TBC1D2: variants seen among roughly 807,000 people sequenced by gnomAD.
TBC1D2 encodes the protein TBC1 domain family member 2, also known as TBC1 domain family member 2A.
In TBC1D2, 58 loss-of-function variants were observed where a neutral mutation model predicts 91.1. The observed-to-expected ratio is 0.64, with a 90% CI of 0.52 to 0.79. TBC1D2 has a LOEUF of 0.79. Ranked by LOEUF, TBC1D2 falls within the 30% of genes least tolerant of loss-of-function variation. The pLI, the probability that TBC1D2 is intolerant of heterozygous loss-of-function variation, is 0.00. For synonymous variants in TBC1D2, 482 were observed against 511.5 expected, an observed-to-expected ratio of 0.94 and a Z score of 0.78; for missense variants, 1,080 against 1,208.3, an observed-to-expected ratio of 0.89 and a Z score of 1.57.
intron 7 of TBC1D2, among the ~76,000 whole-genome samples, chr9:98,211,571 CAT>C (rs1234171949): frequency 5.9e-5 from 9 of 152,178 alleles, no homozygotes; most frequent in African/African-American, 1.9e-4. Flanking sequence ...AAAATCCACT[CAT>C]AGCACTGCCA....
At chr9:98,200,486 GAAGTTGAGGCCTGGAGGCACAATGTGT>G in intron 11 of TBC1D2, 112 bp from the exon 12 acceptor site, 1 of 904,204 alleles carries the variant, frequency 1.1e-6, no homozygotes, top group Non-Finnish European at 1.6e-6. Flanking sequence ...ACTGGCTGCG[GAAGTTGAGGCCTGGAGGCACAATGTGT>G]GGGGATAGGC....
At chr9:98,250,610 G>A (rs1158927909) in intron 2 of TBC1D2, among the ~76,000 whole-genome samples, 2 of 152,090 alleles carry the variant, frequency 1.3e-5, no homozygotes, top group Non-Finnish European at 2.9e-5. Flanking sequence ...GAGGAGGGAA[G>A]GGAAATGGGG....
At chr9:98,241,246 C>T in intron 3 of TBC1D2, among the ~76,000 whole-genome samples, 1 of 152,182 alleles carries the variant, frequency 6.6e-6, no homozygotes, top group East Asian at 1.9e-4. Context: ...CTGAGCAGCC[C>T]TGGATGTCTA....
Position 98,228,077 on chromosome 9 carries a change from G to C in TBC1D2, c.978+875C>G, listed in dbSNP as rs898210320. ...GAAAACAAAGCAGAAAGGGCCTCCG[G>C]GCAGCCAAAGTTCAAACACAAAAGC... On this transcript the variant is annotated intron_variant, in intron 5 of 12. Coordinates refer to ENST00000465784, the MANE Select transcript of TBC1D2 (RefSeq NM_001267571.2). This position sits in a 1 kb window ranked among gnomAD's most constrained non-coding sequence, Gnocchi z 4.0. Among the ~76,000 whole-genome samples the C allele has an allele frequency of 2.0e-5, 3 of 152,196 alleles. No individual in the cohort carries two copies. Among genetic ancestry groups the C allele is most frequent in the Non-Finnish European group, 4.4e-5 (3 of 68,038 alleles).
rs752042837 is a variant in TBC1D2 at position 98,255,592 on chromosome 9, G to C, written c.-51C>G. 7 of 1,447,470 alleles carry C rather than the reference G, an allele frequency of 4.8e-6. No homozygotes were observed. In the African/African-American group the frequency reaches 1.0e-4, roughly 21 times the overall value. The allele number at this position is 1,447,470 out of a possible 1,614,324, so 89.7% of individuals were successfully genotyped here. On this transcript the variant is annotated 5_prime_UTR_variant, in exon 1 of 13. Transcript: ENST00000465784. ...GACGAGGGGTCCGCGGGACCACCAG[G>C]GACAAATCTCGGAGACTCGGCGGGC...
At chr9:98,233,673 C>A in intron 3 of TBC1D2, 124 bp from the exon 4 acceptor site, 2 of 1,445,344 alleles carry the variant, frequency 1.4e-6, no homozygotes, top group Non-Finnish European at 1.9e-6. Context: ...GACTGGTCTC[C>A]CAGACTCCAG....
chr9:98,203,149 G>T, intron 10 of TBC1D2, 139 bp downstream of exon 10: 1 of 1,343,816 alleles, frequency 7.4e-7, no homozygotes, highest in Non-Finnish European at 1.0e-6. Flanking sequence ...CTTCCATGCA[G>T]CCAAATGCAC....
chr9:98,220,302 G>A (rs1829063469), intron 6 of TBC1D2, among the ~76,000 whole-genome samples: 1 of 152,198 alleles, frequency 6.6e-6, no homozygotes, highest in Non-Finnish European at 1.5e-5. Flanking sequence ...CAGGGCTGGC[G>A]CGAGGACTAA....
intron 2 of TBC1D2, among the ~76,000 whole-genome samples, chr9:98,246,243 C>T (rs1367035249): frequency 6.6e-6 from 1 of 152,128 alleles, no homozygotes; most frequent in African/African-American, 2.4e-5. Flanking sequence ...TACTGGGAGA[C>T]TGAAACATTT....
chr9:98,232,731 T>C (rs1243786135), intron 4 of TBC1D2, among the ~76,000 whole-genome samples: 2 of 152,242 alleles, frequency 1.3e-5, no homozygotes, highest in African/African-American at 2.4e-5. Context: ...ACATCTTACA[T>C]AGCTATAGTA....
chr9:98,221,191 G>A lies in TBC1D2; in HGVS notation c.1016C>T (p.Ala339Val), dbSNP rs1385300204. Residue 339 changes from alanine (A) to valine (V), a missense_variant, in exon 6 of 13, where the codon GCC (alanine) becomes GTC (valine). Transcript: ENST00000465784. ...VKILHKALEA[A>V]QQEKRASSAY... ...GCTGGACGCCCGCTTCTCCTGCTGGGCGGCCTCCAGTGCCTTGTGCAGGAT... is the reference window on the plus strand; with the variant it reads ...GCTGGACGCCCGCTTCTCCTGCTGGACGGCCTCCAGTGCCTTGTGCAGGAT... 6.4e-7 allele frequency: 1 copy of A among 1,555,698 alleles called. No individual in the cohort carries two copies. The highest frequency in any genetic ancestry group is 8.7e-7 in the Non-Finnish European group (1 of 1,149,424).
At chr9:98,253,659 T>C (rs908827793) in intron 1 of TBC1D2, among the ~76,000 whole-genome samples, 1 of 152,164 alleles carries the variant, frequency 6.6e-6, no homozygotes, top group Non-Finnish European at 1.5e-5. Flanking sequence ...CCTTTCTCCC[T>C]CTTGTCTGCT....
At chr9:98,234,081 T>C (rs968520612) in intron 3 of TBC1D2, among the ~76,000 whole-genome samples, 2 of 152,216 alleles carry the variant, frequency 1.3e-5, no homozygotes, top group African/African-American at 2.4e-5. Flanking sequence ...TCTCTTTCCC[T>C]GCTCAGATCT....
intron 5 of TBC1D2, among the ~76,000 whole-genome samples, chr9:98,222,899 G>T (rs1359599396): frequency 6.6e-6 from 1 of 152,240 alleles, no homozygotes; most frequent in African/African-American, 2.4e-5. Flanking sequence ...ACATTAGCCT[G>T]CATCTTCTGA....
intron 5 of TBC1D2, among the ~76,000 whole-genome samples, chr9:98,224,978 T>C (rs1302074428): frequency 6.6e-6 from 1 of 152,210 alleles, no homozygotes; most frequent in Non-Finnish European, 1.5e-5. Context: ...CAAGCTGACA[T>C]GGCCAAGGTA....
At chr9:98,230,699 G>A (rs1336325001) in intron 4 of TBC1D2, among the ~76,000 whole-genome samples, 1 of 151,982 alleles carries the variant, frequency 6.6e-6, no homozygotes, top group Non-Finnish European at 1.5e-5. Flanking sequence ...TTGGGAGGCT[G>A]AGGCGGGTAG....
In TBC1D2 at chr9:98,228,894, G is replaced by T; in HGVS notation, c.978+58C>A. The T allele has an allele frequency of 6.5e-7, 1 of 1,544,930 alleles. No individual in the cohort carries two copies. Among genetic ancestry groups the T allele is most frequent in the East Asian group, 2.3e-5 (1 of 44,362 alleles). On this transcript the variant is annotated intron_variant, in intron 5 of 12. Coordinates refer to ENST00000465784, the MANE Select transcript of TBC1D2 (RefSeq NM_001267571.2). This position sits in a 1 kb window ranked among gnomAD's most constrained non-coding sequence, Gnocchi z 4.0. ...GCGTCCCATCTAGCTTATCCGAAAGGCTCCAGGAACTGGAGGGGTCCACTG... is the reference window on the plus strand; with the variant it reads ...GCGTCCCATCTAGCTTATCCGAAAGTCTCCAGGAACTGGAGGGGTCCACTG...
Position 98,199,392 on chromosome 9 carries a change from C to G in TBC1D2, c.2776G>C (p.Gly926Arg), listed in dbSNP as rs1260613408. The G allele has an allele frequency of 6.2e-7, 1 of 1,612,944 alleles. No individual in the cohort carries two copies. The highest frequency in any genetic ancestry group is 1.3e-5 in the African/African-American group (1 of 74,902). ...GGGAGGTGGCCAAGTCAGGCTTCCC[C>G]CTCCACCTCGTCCTCGCTGGCACAG... ...EGCASEDEVE[G>R]EA is the part of the protein sequence containing the mutation. Residue 926 changes from glycine to arginine, a missense_variant, in exon 13 of 13, where the codon GGG (glycine) becomes CGG (arginine). Transcript: ENST00000465784.
At position 98,208,677 on chromosome 9, in the gene TBC1D2, C is replaced by T. The variant is rs149537601; in HGVS notation, c.2141G>A (p.Gly714Asp). 2 of 1,529,232 alleles carry T rather than the reference C, an allele frequency of 1.3e-6. No individual in the cohort carries two copies. The highest frequency in any genetic ancestry group is 2.8e-5 in the African/African-American group (2 of 72,306). The allele number at this position is 1,529,232 out of a possible 1,614,324, so 94.7% of individuals were successfully genotyped here. Residue 714 changes from glycine to aspartate, a missense_variant, in exon 9 of 13, where the codon GGC (glycine) becomes GAC (aspartate). Coordinates refer to ENST00000465784, the MANE Select transcript of TBC1D2 (RefSeq NM_001267571.2). ...WQNPTIGYCQ[G>D]LNRLAAIALL... ...GGCTTTGGTGGCTTACCTGTTCAGG[C>T]CCTGGCAGTAGCCGATGGTGGGGTT...
Sources: gnomAD v4.1 joint callset for allele counts (sites outside exome capture counted in the v4.1 genomes callset) on GRCh38, gnomAD v4.1.1 for gene constraint, Gnocchi (gnomAD v3.1) non-coding constraint, MANE v1.5 for transcripts, NCBI Gene and HGNC (gene_info 2026-07-23, HGNC 2026-07-21) for gene names.